The following ENTREP2 variants were observed in gnomAD, a reference collection of about 807,000 sequenced individuals.
ENTREP2 encodes protein ENTREP2.
chr15:29,653,054 C>A, the ENTREP2 span, among the ~76,000 whole-genome samples: 1 of 152,100 alleles, frequency 6.6e-6, no homozygotes, highest in Non-Finnish European at 1.5e-5. Flanking sequence ...TCCATGTATC[C>A]CCTGTGCAAA....
the ENTREP2 span, among the ~76,000 whole-genome samples, chr15:29,587,430 A>T: frequency 6.6e-6 from 1 of 152,102 alleles, no homozygotes; most frequent in Non-Finnish European, 1.5e-5. Flanking sequence ...AAAGATTAAA[A>T]CAATTTTTTT....
chr15:29,495,356 A>G, the ENTREP2 span, among the ~76,000 whole-genome samples: 37 of 152,206 alleles, frequency 2.4e-4, no homozygotes, highest in Non-Finnish European at 2.9e-5. Context: ...TTGCCTTTAC[A>G]TTTCATTGTT....
chr15:29,355,864 T>A, the ENTREP2 span, among the ~76,000 whole-genome samples: 1 of 152,140 alleles, frequency 6.6e-6, no homozygotes, highest in East Asian at 1.9e-4. Context: ...CTGAGCTAAA[T>A]AAGGGGTCCC....
the ENTREP2 span, among the ~76,000 whole-genome samples, chr15:29,601,580 C>G: frequency 2.0e-5 from 3 of 152,056 alleles, no homozygotes; most frequent in Admixed American, 2.0e-4. Flanking sequence ...GTGGCAGGGT[C>G]AACATTCACA....
the ENTREP2 span, among the ~76,000 whole-genome samples, chr15:29,626,000 C>T: frequency 6.6e-6 from 1 of 152,100 alleles, no homozygotes; most frequent in Non-Finnish European, 1.5e-5. Flanking sequence ...GCATGTGCCA[C>T]CACACTTGGC....
chr15:29,421,722 A>G, the ENTREP2 span, among the ~76,000 whole-genome samples: 1 of 152,208 alleles, frequency 6.6e-6, no homozygotes, highest in African/African-American at 2.4e-5. Flanking sequence ...ATCATTTTAC[A>G]TTTAACTTCT....
At chr15:29,632,031 G>A in the ENTREP2 span, among the ~76,000 whole-genome samples, 2 of 152,358 alleles carry the variant, frequency 1.3e-5, no homozygotes, top group Admixed American at 6.5e-5. Flanking sequence ...CTTCCGTCCT[G>A]TGGGCTGCCC....
At chr15:29,570,622 C>T in the ENTREP2 span, 2 of 1,432,416 alleles carry the variant, frequency 1.4e-6, no homozygotes, top group Non-Finnish European at 1.8e-6. Context: ...TGGCCCCGAG[C>T]GCCAGCACGA....
the ENTREP2 span, among the ~76,000 whole-genome samples, chr15:29,490,225 G>C: frequency 6.6e-6 from 1 of 152,112 alleles, no homozygotes; most frequent in Non-Finnish European, 1.5e-5. Flanking sequence ...GACATGTTGG[G>C]AGTTTCTTCC....
At chr15:29,593,339 G>C in the ENTREP2 span, among the ~76,000 whole-genome samples, 1 of 152,042 alleles carries the variant, frequency 6.6e-6, no homozygotes, top group Non-Finnish European at 1.5e-5. Flanking sequence ...TTTGTGGCTG[G>C]TATGCCCTCA....
At chr15:29,630,381 G>T in the ENTREP2 span, among the ~76,000 whole-genome samples, 914 of 152,106 alleles carry the variant, frequency 6.0e-3, 9 homozygotes, top group African/African-American at 0.021. Flanking sequence ...TTTCTTTCTA[G>T]CTGCTTTCAA....
chr15:29,534,384 T>C, the ENTREP2 span, among the ~76,000 whole-genome samples: 1 of 152,148 alleles, frequency 6.6e-6, no homozygotes, highest in Non-Finnish European at 1.5e-5. Context: ...TCCAGGATAT[T>C]ATACTGTTTT....
At chr15:29,269,753 C>T in the ENTREP2 span, 1 of 1,417,666 alleles carries the variant, frequency 7.1e-7, no homozygotes, top group Admixed American at 3.5e-5. Context: ...CAAGCAGCCG[C>T]GGCGGGGATT....
the ENTREP2 span, among the ~76,000 whole-genome samples, chr15:29,323,854 T>A: frequency 6.6e-6 from 1 of 152,126 alleles, no homozygotes; most frequent in Non-Finnish European, 1.5e-5. Context: ...GTTTGAGAAA[T>A]TTTTTCCCAA....
At chr15:29,228,318 CAAACAA>C in the ENTREP2 span, among the ~76,000 whole-genome samples, 49,756 of 151,282 alleles carry the variant, frequency 0.33, 9,474 homozygotes, top group East Asian at 0.59. Context: ...GACTCCGTCT[CAAACAA>C]AAACAAAAAC....
At chr15:29,233,555 C>A in the ENTREP2 span, 2 of 587,676 alleles carry the variant, frequency 3.4e-6, no homozygotes, top group East Asian at 5.6e-5. Flanking sequence ...GTATACAATA[C>A]CACCTACTGT....
the ENTREP2 span, among the ~76,000 whole-genome samples, chr15:29,598,892 T>C: frequency 6.6e-6 from 1 of 152,108 alleles, no homozygotes; most frequent in Admixed American, 6.6e-5. Context: ...GAGACGGGGT[T>C]TCACCGTGTT....
the ENTREP2 span, among the ~76,000 whole-genome samples, chr15:29,579,205 A>C: frequency 6.6e-6 from 1 of 152,294 alleles, no homozygotes; most frequent in Non-Finnish European, 1.5e-5. Context: ...CTTCACTTTT[A>C]TTTTATTAAG....
At chr15:29,396,291 C>A in the ENTREP2 span, among the ~76,000 whole-genome samples, 2 of 151,734 alleles carry the variant, frequency 1.3e-5, no homozygotes, top group Non-Finnish European at 2.9e-5. Context: ...CGGGCAACTA[C>A]GCTTCTCCTC....
Sources: allele counts gnomAD v4.1 joint callset (sites outside exome capture counted in the v4.1 genomes callset), GRCh38; gene constraint gnomAD v4.1.1; transcripts MANE v1.5; gene names NCBI Gene and HGNC (gene_info 2026-07-23, HGNC 2026-07-21).